STRN3: variants seen among roughly 807,000 people sequenced by gnomAD.
STRN3 encodes the protein striatin 3, also known as striatin-3.
A neutral mutation model predicts 95.6 loss-of-function variants in STRN3; 29 were observed. That is an observed-to-expected ratio of 0.30 (90% CI 0.23 to 0.41). STRN3 has a LOEUF of 0.41. Among genes scored for constraint, STRN3 ranks in the 10% least tolerant of loss-of-function variants. STRN3 has a pLI of 1.00. For missense variants in STRN3, 890 were observed against 972.1 expected, an observed-to-expected ratio of 0.92 and a Z score of 1.12; for synonymous variants, 331 against 357.6, an observed-to-expected ratio of 0.93 and a Z score of 0.84.
chr14:30,950,939 T>C lies in STRN3; in HGVS notation c.466A>G (p.Thr156Ala), dbSNP rs746149571. ...GCTGTGGGAGCCTCTGTGTCTTTGG[T>C]TTCTTCTAAAAATTAAGAAAAAAAA... The part of the protein sequence containing the change: ...LKMPTFESEE[T>A]KDTEAPTAPQ... Residue 156 changes from threonine to alanine, a missense_variant, in exon 4 of 18, where the codon ACC (threonine) becomes GCC (alanine). Physicochemically the swap from Thr to Ala is moderately conservative, Grantham distance 58 (BLOSUM62 0). Coordinates refer to ENST00000357479, the MANE Select transcript of STRN3 (RefSeq NM_001083893.2). The C allele has an allele frequency of 5.6e-6, 9 of 1,611,002 alleles. No individual in the cohort carries two copies. In the Admixed American group the frequency reaches 1.4e-4, roughly 24 times the overall value.
At chr14:30,983,997 C>T (rs563955844) in intron 1 of STRN3, among the ~76,000 whole-genome samples, 6 of 151,774 alleles carry the variant, frequency 4.0e-5, no homozygotes, top group Admixed American at 3.3e-4. Flanking sequence ...TACTAGGTTG[C>T]GTCTAGGAAG....
At chr14:30,932,580 C>A (rs1878597062) in intron 7 of STRN3, among the ~76,000 whole-genome samples, 2 of 152,096 alleles carry the variant, frequency 1.3e-5, no homozygotes, top group East Asian at 3.9e-4. Context: ...AAGTAAGGGA[C>A]CTTTTCGATT....
chr14:30,931,157 ATAAAAG>A (rs1232693430), intron 7 of STRN3, among the ~76,000 whole-genome samples: 1 of 152,184 alleles, frequency 6.6e-6, no homozygotes, highest in Non-Finnish European at 1.5e-5. Flanking sequence ...AATCTAGAAA[ATAAAAG>A]TAAATTTAGG....
intron 1 of STRN3, among the ~76,000 whole-genome samples, chr14:30,997,375 GC>G (rs1268222028): frequency 2.0e-5 from 3 of 151,978 alleles, no homozygotes; most frequent in Admixed American, 6.6e-5. Context: ...CCTCTGTCTG[GC>G]CCCTACACCC....
chr14:30,933,964 G>A (rs1000645786), intron 7 of STRN3, among the ~76,000 whole-genome samples: 1 of 152,034 alleles, frequency 6.6e-6, no homozygotes, highest in Non-Finnish European at 1.5e-5. Context: ...TATCAAAGTT[G>A]TTTTTTAAAA....
Position 30,951,244 on chromosome 14 carries a change from CTTTTT to C in STRN3, c.461-305_461-301del, listed in dbSNP as rs907904850. ...AATATTATTAAAACTGATTTTTTCT[CTTTTT>C]TTTTGAGACAGGGTCTCATTCTGTC... On this transcript the variant is annotated intron_variant, in intron 3 of 17. Coordinates refer to ENST00000357479, the MANE Select transcript of STRN3 (RefSeq NM_001083893.2). 6.6e-5 allele frequency among the ~76,000 whole-genome samples: 10 copies of C among 150,858 alleles called. No homozygotes were observed. The East Asian group carries it at 1.9e-3, about 29-fold the overall frequency.
At position 31,026,105 on chromosome 14, in the gene STRN3, G is replaced by A. The variant is rs1306467440; in HGVS notation, c.81C>T (p.Asn27=). 3 of 1,525,536 alleles carry A rather than the reference G, an allele frequency of 2.0e-6. No individual in the cohort carries two copies. Among genetic ancestry groups the A allele is most frequent in the Non-Finnish European group, 8.8e-7 (1 of 1,138,826 alleles). The allele number at this position is 1,525,536 out of a possible 1,614,324, so 94.5% of individuals were successfully genotyped here. ...PPRQQQGPGG[N]LGLSPGGNGA... ...CGTTCCCCCCGGGCGAAAGGCCCAGGTTCCCCCCAGGTCCCTGCTGCTGCC... is the reference window on the plus strand; with the variant it reads ...CGTTCCCCCCGGGCGAAAGGCCCAGATTCCCCCCAGGTCCCTGCTGCTGCC... Residue 27 remains asparagine (N), a synonymous_variant, in exon 1 of 18, where the codon AAC becomes AAT. Coordinates refer to ENST00000357479, the MANE Select transcript of STRN3 (RefSeq NM_001083893.2).
intron 9 of STRN3, among the ~76,000 whole-genome samples, chr14:30,915,093 ACTT>A (rs1896704193): frequency 6.6e-6 from 1 of 152,176 alleles, no homozygotes. Flanking sequence ...ATCAAAACAC[ACTT>A]AAAATTCATG....
intron 1 of STRN3, among the ~76,000 whole-genome samples, chr14:30,969,232 G>A (rs1012323371): frequency 1.3e-5 from 2 of 152,126 alleles, no homozygotes; most frequent in Non-Finnish European, 2.9e-5. Flanking sequence ...TCAGGAGATC[G>A]AGACCATCCT....
chr14:30,967,357 T>C (rs1318620111), intron 1 of STRN3, among the ~76,000 whole-genome samples: 1 of 150,670 alleles, frequency 6.6e-6, no homozygotes, highest in South Asian at 2.1e-4. Context: ...AGAGACAAAG[T>C]CAAACAGAGA....
chr14:30,922,098 A>G (rs1473560682), intron 8 of STRN3, among the ~76,000 whole-genome samples: 5 of 152,078 alleles, frequency 3.3e-5, no homozygotes, highest in African/African-American at 1.2e-4. Context: ...CATGTTGTCC[A>G]GGCTGGTCTT....
At chr14:30,902,185 AAAAAAAAAAAAAAAAAAAAAAAAT>A (rs913909628) in intron 16 of STRN3, among the ~76,000 whole-genome samples, 17 of 137,980 alleles carry the variant, frequency 1.2e-4, no homozygotes, top group African/African-American at 4.1e-4. Context: ...AAAAAAAAAA[AAAAAAAAAAAAAAAAAAAAAAAAT>A]GGAAATGCCA....
chr14:30,932,042 G>A (rs1024912023), intron 7 of STRN3: 2 of 152,206 alleles, frequency 1.3e-5, no homozygotes, highest in East Asian at 1.9e-4. Flanking sequence ...CGTGGCGGGT[G>A]GATCACCTGA....
intron 7 of STRN3, chr14:30,931,929 G>GA (rs1182747427): frequency 1.3e-5 from 2 of 152,144 alleles, no homozygotes; most frequent in Admixed American, 1.3e-4. Context: ...GTTTCATTAA[G>GA]ACAAGACTTA....
chr14:30,904,579 A>G lies in STRN3; in HGVS notation c.2029+839T>C, dbSNP rs539603165. On this transcript the variant is annotated intron_variant, in intron 15 of 17. Coordinates refer to ENST00000357479, the MANE Select transcript of STRN3 (RefSeq NM_001083893.2). ...ACTCCAAGGTAACCAAATTGTTGATAAAGAGATGTTCTTTTTTATAGGAAT... is the reference window on the plus strand; with the variant it reads ...ACTCCAAGGTAACCAAATTGTTGATGAAGAGATGTTCTTTTTTATAGGAAT... Among the ~76,000 whole-genome samples the G allele has an allele frequency of 5.9e-5, 9 of 152,266 alleles. No individual in the cohort carries two copies. The South Asian group carries it at 1.9e-3, about 32-fold the overall frequency.
At chr14:30,924,287 C>CTTTTTTTTTTTTTTTTTTTTTTTTT (rs71112354) in intron 8 of STRN3, among the ~76,000 whole-genome samples, 1 of 77,228 alleles carries the variant, frequency 1.3e-5, no homozygotes, top group Non-Finnish European at 2.2e-5. Context: ...TGCCTTAAAT[C>CTTTTTTTTTTTTTTTTTTTTTTTTT]TTTTTTTTTT....
At chr14:31,014,006 G>A (rs142511313) in intron 1 of STRN3, among the ~76,000 whole-genome samples, 17 of 151,476 alleles carry the variant, frequency 1.1e-4, no homozygotes, top group African/African-American at 3.6e-4. Context: ...GGGCTCAAGC[G>A]ATCCTCCCGT....
chr14:30,925,783 CATAA>C lies in STRN3; in HGVS notation c.1099+3414_1099+3417del, dbSNP rs567914836. ...TGTATTAAAATGTCACACTGTGTCC[CATAA>C]ATATTTATAATTATGTGTCATTTAT... On this transcript the variant is annotated intron_variant, in intron 8 of 17. Transcript: ENST00000357479. Among the ~76,000 whole-genome samples, 13 of 152,094 alleles carry C rather than the reference CATAA, an allele frequency of 8.5e-5. No homozygotes were observed. The East Asian group carries it at 2.1e-3, about 25-fold the overall frequency.
intron 1 of STRN3, among the ~76,000 whole-genome samples, chr14:30,988,692 C>T (rs1298621485): frequency 6.6e-6 from 1 of 152,168 alleles, no homozygotes; most frequent in Non-Finnish European, 1.5e-5. Flanking sequence ...ATCTACTGTC[C>T]TAACAGGCTA....
Sources: allele counts gnomAD v4.1 joint callset (sites outside exome capture counted in the v4.1 genomes callset), GRCh38; gene constraint gnomAD v4.1.1; transcripts MANE v1.5; gene names NCBI Gene and HGNC (gene_info 2026-07-23, HGNC 2026-07-21).